The following SLC24A3 variants were observed in gnomAD, a reference collection of about 807,000 sequenced individuals.
The protein encoded by SLC24A3 is sodium/potassium/calcium exchanger 3.
Under a neutral mutation model 75.8 loss-of-function variants are expected in SLC24A3, and 28 were observed. The ratio of observed to expected loss-of-function variants is 0.37; its 90% CI spans 0.27 to 0.51. The LOEUF (loss-of-function observed/expected upper bound fraction) is 0.51, where lower values mean the gene tolerates loss of function less well. Among genes scored for constraint, SLC24A3 ranks in the 20% least tolerant of loss-of-function variants. SLC24A3 has a pLI of 0.94. For missense variants in SLC24A3, 663 were observed against 847.8 expected, an observed-to-expected ratio of 0.78 and a Z score of 2.71; for synonymous variants, 372 against 334.1, an observed-to-expected ratio of 1.11 and a Z score of -1.24.
chr20:19,361,746 A>T (rs547562440), intron 2 of SLC24A3, among the ~76,000 whole-genome samples: 2 of 152,356 alleles, frequency 1.3e-5, no homozygotes, highest in South Asian at 4.1e-4. Context: ...TGTATTTTTT[A>T]AAAGATTGAT....
At chr20:19,591,493 GT>G (rs11474980) in intron 6 of SLC24A3, among the ~76,000 whole-genome samples, 87,399 of 148,604 alleles carry the variant, frequency 0.59, 26,750 homozygotes, top group Non-Finnish European at 0.68. Context: ...CCTCATACTA[GT>G]TTTTTTTTTT....
chr20:19,646,446 C>T (rs755304311), intron 6 of SLC24A3, among the ~76,000 whole-genome samples: 8 of 152,178 alleles, frequency 5.3e-5, no homozygotes, highest in Non-Finnish European at 1.0e-4. Flanking sequence ...TGTATCTTAT[C>T]TGGCAACTTT....
At chr20:19,482,559 A>AT (rs1372409168) in intron 2 of SLC24A3, among the ~76,000 whole-genome samples, 1 of 152,214 alleles carries the variant, frequency 6.6e-6, no homozygotes, top group Non-Finnish European at 1.5e-5. Flanking sequence ...CTGCATGGTA[A>AT]TCTCTCTTGT....
intron 2 of SLC24A3, among the ~76,000 whole-genome samples, chr20:19,293,385 G>A (rs1327329190): frequency 6.6e-6 from 1 of 152,098 alleles, no homozygotes; most frequent in Admixed American, 6.6e-5. Flanking sequence ...GCTGGGCATG[G>A]TGGCTCATGT....
At chr20:19,411,135 T>C (rs1028279454) in intron 2 of SLC24A3, among the ~76,000 whole-genome samples, 3 of 152,310 alleles carry the variant, frequency 2.0e-5, no homozygotes, top group Admixed American at 6.5e-5. Flanking sequence ...GGATGCCTGC[T>C]TGAACCCAGG....
intron 2 of SLC24A3, among the ~76,000 whole-genome samples, chr20:19,326,154 A>C (rs1297799370): frequency 7.9e-5 from 12 of 151,948 alleles, no homozygotes; most frequent in Admixed American, 7.9e-4. Context: ...TTTGGCATCC[A>C]GGGCCTGTAA....
chr20:19,375,577 T>C (rs912166638), intron 2 of SLC24A3, among the ~76,000 whole-genome samples: 2 of 152,176 alleles, frequency 1.3e-5, no homozygotes, highest in African/African-American at 4.8e-5. Context: ...CTTCTGCACA[T>C]TGCCTTATGT....
chr20:19,512,260 G>A (rs1200562815), intron 2 of SLC24A3, among the ~76,000 whole-genome samples: 2 of 152,190 alleles, frequency 1.3e-5, no homozygotes, highest in African/African-American at 2.4e-5. Context: ...GGAAAGGGAG[G>A]GTTGCTGAGC....
At chr20:19,286,176 G>A (rs1983812782) in intron 2 of SLC24A3, among the ~76,000 whole-genome samples, 1 of 152,172 alleles carries the variant, frequency 6.6e-6, no homozygotes, top group African/African-American at 2.4e-5. Flanking sequence ...AAGTCAGGCT[G>A]GCAGGGCACT....
chr20:19,446,341 T>A (rs1285735244), intron 2 of SLC24A3, among the ~76,000 whole-genome samples: 2 of 152,194 alleles, frequency 1.3e-5, no homozygotes, highest in Non-Finnish European at 2.9e-5. Flanking sequence ...AAAATCCAGG[T>A]CTCTCATTAG....
chr20:19,701,402 T>A (rs1021377850), intron 15 of SLC24A3, among the ~76,000 whole-genome samples: 2 of 152,138 alleles, frequency 1.3e-5, no homozygotes, highest in African/African-American at 4.8e-5. Context: ...ATGAGATAAA[T>A]GCTTCATGAG....
intron 3 of SLC24A3, among the ~76,000 whole-genome samples, chr20:19,570,481 TGGAGATCC>T (rs2031034818): frequency 6.6e-6 from 1 of 152,160 alleles, no homozygotes; most frequent in Non-Finnish European, 1.5e-5. Flanking sequence ...TGGTTAGAAA[TGGAGATCC>T]CTGGGCCCCA....
rs971999154 is a variant in SLC24A3 at position 19,493,001 on chromosome 20, A to G, written c.272-22487A>G. Among the ~76,000 whole-genome samples, 7 of 152,320 alleles carry G rather than the reference A, an allele frequency of 4.6e-5. 1 individual carries two copies. The highest frequency in any genetic ancestry group is 1.3e-4 in the Admixed American group (2 of 15,308). ...TCTAATCTTTCCAATAATGTTTTAT[A>G]TGTCTCACTGCCGATATCTGACTCT... On this transcript the variant is annotated intron_variant, in intron 2 of 16. Transcript: ENST00000328041.
chr20:19,254,749 C>T (rs73277099), intron 1 of SLC24A3, among the ~76,000 whole-genome samples: 4,870 of 152,198 alleles, frequency 0.032, 98 homozygotes, highest in Middle Eastern at 0.054. Context: ...TTGCTTCCAC[C>T]GAGGAAGATG....
At chr20:19,352,871 A>G (rs1041226026) in intron 2 of SLC24A3, among the ~76,000 whole-genome samples, 3 of 152,232 alleles carry the variant, frequency 2.0e-5, no homozygotes, top group African/African-American at 7.2e-5. Flanking sequence ...TGGACCACTT[A>G]TGCAATGGTG....
chr20:19,348,578 A>AT (rs1178960661), intron 2 of SLC24A3, among the ~76,000 whole-genome samples: 2 of 152,058 alleles, frequency 1.3e-5, no homozygotes, highest in Non-Finnish European at 2.9e-5. Flanking sequence ...CCAGCCCCCA[A>AT]TGCCTAATAA....
chr20:19,233,748 C>T (rs1664870046), intron 1 of SLC24A3, among the ~76,000 whole-genome samples: 1 of 152,232 alleles, frequency 6.6e-6, no homozygotes, highest in Non-Finnish European at 1.5e-5. Flanking sequence ...GGGTAGGAGA[C>T]ATGGCTCACA....
chr20:19,517,847 G>A (rs141687644), intron 3 of SLC24A3, among the ~76,000 whole-genome samples: 62 of 152,326 alleles, frequency 4.1e-4, no homozygotes, highest in Admixed American at 5.9e-4. Context: ...TGTGTCCAAC[G>A]TGAGGCCAGG....
chr20:19,285,203 C>T lies in SLC24A3; in HGVS notation c.271+4116C>T, dbSNP rs78048097. ...CTGCTTTCAAAAAAATGGCACTGGG[C>T]GCGGTGACTCACGCCTATAATCCCA... On this transcript the variant is annotated intron_variant, in intron 2 of 16. Transcript: ENST00000328041. Among the ~76,000 whole-genome samples, 1,177 of 152,200 alleles carry T rather than the reference C, an allele frequency of 7.7e-3. 17 individuals are homozygous for T. The highest frequency in any genetic ancestry group is 0.027 in the African/African-American group (1,117 of 41,522).
Sources: allele counts gnomAD v4.1 joint callset (sites outside exome capture counted in the v4.1 genomes callset), GRCh38; gene constraint gnomAD v4.1.1; transcripts MANE v1.5; gene names NCBI Gene and HGNC (gene_info 2026-07-23, HGNC 2026-07-21).